Variants in AXDND1 observed in about 807,000 individuals in gnomAD.
AXDND1 encodes axonemal dynein light chain domain containing 1.
In AXDND1, 110 loss-of-function variants were observed where a neutral mutation model predicts 137.5. The ratio of observed to expected loss-of-function variants is 0.80; its 90% CI spans 0.69 to 0.94. AXDND1 has a LOEUF of 0.94. Ranked by LOEUF, AXDND1 falls within the 40% of genes least tolerant of loss-of-function variation. AXDND1 has a pLI of 0.00. For synonymous variants in AXDND1, 414 were observed against 399.7 expected (o/e 1.04, Z -0.43); for missense variants, 1,191 against 1,169.8 (o/e 1.02, Z -0.26).
intron 12 of AXDND1, among the ~76,000 whole-genome samples, chr1:179,426,012 T>C (rs1656517832): frequency 6.6e-6 from 1 of 151,978 alleles, no homozygotes; most frequent in Non-Finnish European, 1.5e-5. Flanking sequence ...AATTTTTGTA[T>C]TTTTGGTAGA....
At chr1:179,448,328 A>AT in intron 16 of AXDND1, 1 of 740,810 alleles carries the variant, frequency 1.3e-6, no homozygotes, top group Non-Finnish European at 2.5e-6. Context: ...ACAGTCATAG[A>AT]GCACACTAAG....
chr1:179,460,081 T>A (rs1662094656), intron 16 of AXDND1, among the ~76,000 whole-genome samples: 1 of 151,584 alleles, frequency 6.6e-6, no homozygotes, highest in African/African-American at 2.4e-5. Flanking sequence ...CTAGGGTACA[T>A]GTGCACAACG....
intron 18 of AXDND1, 48 bp downstream of exon 18, chr1:179,483,269 A>T: frequency 7.4e-7 from 1 of 1,348,642 alleles, no homozygotes; most frequent in Non-Finnish European, 1.0e-6. Context: ...CTCGGCTGGC[A>T]AATTTCTTCA....
intron 21 of AXDND1, among the ~76,000 whole-genome samples, chr1:179,521,109 G>A (rs1326304770): frequency 5.9e-5 from 9 of 151,906 alleles, no homozygotes; most frequent in East Asian, 3.9e-4. Flanking sequence ...TTATAGGTGC[G>A]TGGCACCATG....
At chr1:179,536,133 G>C (rs1450179689) in intron 25 of AXDND1, among the ~76,000 whole-genome samples, 1 of 152,192 alleles carries the variant, frequency 6.6e-6, no homozygotes, top group Non-Finnish European at 1.5e-5. Context: ...CCCTTTGTCA[G>C]ATGGATAGAT....
chr1:179,460,011 TCCTTCCTTC>T (rs749149993), intron 16 of AXDND1, among the ~76,000 whole-genome samples: 18,966 of 138,206 alleles, frequency 0.14, 1,443 homozygotes, highest in East Asian at 0.34. Context: ...TTCCTTCCTC[TCCTTCCTTC>T]CTTCTTTCAT....
chr1:179,471,252 G>T (rs1663897253), intron 17 of AXDND1, among the ~76,000 whole-genome samples: 1 of 152,180 alleles, frequency 6.6e-6, no homozygotes, highest in South Asian at 2.1e-4. Context: ...AAATGAGTTA[G>T]AAGTATCCCT....
rs958482952 is a variant in AXDND1, at chr1:179,523,661, G to A, written c.2497-1673G>A. Among the ~76,000 whole-genome samples the A allele has an allele frequency of 5.3e-5, 8 of 152,178 alleles. No homozygotes were observed. In the East Asian group the frequency reaches 1.5e-3, roughly 29 times the overall value. On this transcript the variant is annotated intron_variant, in intron 21 of 25. Transcript: ENST00000367618. The stretch of plus-strand genomic sequence containing the variant: ...TGGCCTTTTGTGCTTATTTCCCTTA[G>A]CATAGTGTTTTCAGAGGTCAGCCAC...
chr1:179,409,617 A>C (rs112399274), intron 11 of AXDND1, among the ~76,000 whole-genome samples: 2,674 of 152,292 alleles, frequency 0.018, 64 homozygotes, highest in African/African-American at 0.059. Flanking sequence ...ACGGTGGCTC[A>C]TGCCTGTAAT....
chr1:179,434,175 C>G (rs1657795959), intron 15 of AXDND1, among the ~76,000 whole-genome samples: 1 of 151,966 alleles, frequency 6.6e-6, no homozygotes, highest in African/African-American at 2.4e-5. Context: ...TGTTGCAACC[C>G]CTGCTTTTTT....
chr1:179,407,519 C>T (rs12746612), intron 11 of AXDND1, among the ~76,000 whole-genome samples: 44,671 of 152,026 alleles, frequency 0.29, 6,783 homozygotes, highest in Non-Finnish European at 0.31. Flanking sequence ...AACACTGTGC[C>T]TGGCCTCTTT....
intron 12 of AXDND1, among the ~76,000 whole-genome samples, chr1:179,425,875 C>T (rs1171182528): frequency 7.1e-6 from 1 of 141,768 alleles, no homozygotes; most frequent in Non-Finnish European, 1.5e-5. Context: ...CTCACTCTGT[C>T]ACCCAGGCTG....
intron 25 of AXDND1, chr1:179,552,576 G>T: frequency 1.9e-6 from 3 of 1,597,138 alleles, no homozygotes; most frequent in Non-Finnish European, 2.6e-6. Flanking sequence ...CTAAAGGGCA[G>T]TCTGGGTGGG....
intron 12 of AXDND1, among the ~76,000 whole-genome samples, chr1:179,421,226 A>T (rs1655659749): frequency 6.6e-6 from 1 of 151,794 alleles, no homozygotes. Flanking sequence ...ATGGCTTCGT[A>T]GTAAATTTCG....
chr1:179,525,215 T>G, intron 21 of AXDND1, 119 bp from the exon 22 acceptor site: 1 of 1,006,156 alleles, frequency 9.9e-7, no homozygotes. Context: ...TATCAACCTT[T>G]GTATCCTTGT....
chr1:179,484,259 A>C (rs1339537297), intron 18 of AXDND1, among the ~76,000 whole-genome samples: 1 of 152,188 alleles, frequency 6.6e-6, no homozygotes, highest in African/African-American at 2.4e-5. Flanking sequence ...TGGTACTCCC[A>C]GCTAGTGTGG....
chr1:179,432,192 C>CTAA lies in AXDND1; in HGVS notation c.1488-74_1488-73insAAT, dbSNP rs1657470045. The CTAA allele has an allele frequency of 4.2e-6, 6 of 1,445,114 alleles. No individual in the cohort carries two copies. In the East Asian group the frequency reaches 1.6e-4, roughly 39 times the overall value. The allele number at this position is 1,445,114 out of a possible 1,614,324, so 89.5% of individuals were successfully genotyped here. ...AGGAGAAATATGTTAGTTGTTTAGT[C>CTAA]TTTAGTGTGTGAACTGATGATCTTG... On this transcript the variant is annotated intron_variant, in intron 14 of 25. Coordinates refer to ENST00000367618, the MANE Select transcript of AXDND1 (RefSeq NM_144696.6).
intron 16 of AXDND1, chr1:179,450,379 A>G (rs897211406): frequency 1.3e-5 from 2 of 152,148 alleles, no homozygotes; most frequent in African/African-American, 4.8e-5. Context: ...TTGAACAGAA[A>G]TGGTGGGAGT....
At chr1:179,387,950 A>G (rs1322813518) in intron 9 of AXDND1, among the ~76,000 whole-genome samples, 9 of 152,266 alleles carry the variant, frequency 5.9e-5, no homozygotes, top group African/African-American at 1.7e-4. Context: ...CATATCTTGT[A>G]TAACTCTTTT....
Sources: allele counts gnomAD v4.1 joint callset (sites outside exome capture counted in the v4.1 genomes callset), GRCh38; gene constraint gnomAD v4.1.1; transcripts MANE v1.5; gene names NCBI Gene and HGNC (gene_info 2026-07-23, HGNC 2026-07-21).